Variants in TEAD1 observed in about 807,000 individuals in gnomAD.
TEAD1 encodes TEA domain transcription factor 1, also known as transcriptional enhancer factor TEF-1.
A neutral mutation model predicts 54.9 loss-of-function variants in TEAD1; 9 were observed. The ratio of observed to expected loss-of-function variants is 0.16; its 90% CI spans 0.10 to 0.29. The LOEUF (loss-of-function observed/expected upper bound fraction) is 0.29, where lower values mean the gene tolerates loss of function less well. TEAD1 is among the 10% of genes least tolerant of loss of function. The pLI, the probability that TEAD1 is intolerant of heterozygous loss-of-function variation, is 1.00. For synonymous variants in TEAD1, 200 were observed against 187.8 expected (o/e 1.07, Z -0.53); for missense variants, 387 against 535.9 (o/e 0.72, Z 2.74).
At chr11:12,857,860 G>A (rs771191454) in intron 3 of TEAD1, among the ~76,000 whole-genome samples, 5 of 152,062 alleles carry the variant, frequency 3.3e-5, no homozygotes, top group Admixed American at 6.5e-5. Context: ...CGAGGTGGGC[G>A]GATTGCTTGA....
chr11:12,888,158 T>G (rs1185825699), intron 9 of TEAD1, among the ~76,000 whole-genome samples: 1 of 152,202 alleles, frequency 6.6e-6, no homozygotes, highest in East Asian at 1.9e-4. Flanking sequence ...AGATGCTGCC[T>G]TACAGTAGCC....
At position 12,904,478 on chromosome 11, in the gene TEAD1, A is replaced by G. The variant is rs552532773; in HGVS notation, c.873+2365A>G. On this transcript the variant is annotated intron_variant, in intron 10 of 12. Transcript: ENST00000527636. ...TGGATTTTAATGTAACAGAGTTGGA[A>G]AAATTCATTGATATGGTTTCAGACT... Among the ~76,000 whole-genome samples, 5 of 152,326 alleles carry G rather than the reference A, an allele frequency of 3.3e-5. No homozygotes were observed. In the South Asian group the frequency reaches 1.0e-3, roughly 32 times the overall value.
chr11:12,746,779 C>T (rs1009833005), intron 2 of TEAD1, among the ~76,000 whole-genome samples: 3 of 152,318 alleles, frequency 2.0e-5, no homozygotes, highest in Non-Finnish European at 2.9e-5. Context: ...CCCCCTGGCT[C>T]TTGTGGGAGG....
chr11:12,881,877 G>T lies in TEAD1; in HGVS notation c.513-19G>T, dbSNP rs543563187. ...CAGATGCGATCTCTTAACTCTGTCT[G>T]CCATCTCTCTGTTCCCAGCGTCAAG... On this transcript the variant is annotated intron_variant, in intron 7 of 12. Transcript: ENST00000527636. The T allele has an allele frequency of 4.3e-6, 7 of 1,613,864 alleles. No homozygotes were observed. In the East Asian group the frequency reaches 1.1e-4, roughly 26 times the overall value.
At chr11:12,878,874 T>C in intron 5 of TEAD1, 3 of 1,281,532 alleles carry the variant, frequency 2.3e-6, no homozygotes, top group Non-Finnish European at 3.0e-6. Context: ...ACAAATTGTT[T>C]ATTATTGTAT....
At chr11:12,800,197 G>T (rs1946023232) in intron 3 of TEAD1, among the ~76,000 whole-genome samples, 1 of 152,186 alleles carries the variant, frequency 6.6e-6, no homozygotes, top group South Asian at 2.1e-4. Flanking sequence ...GATGATGACT[G>T]CTTGCACCTC....
intron 2 of TEAD1, among the ~76,000 whole-genome samples, chr11:12,732,392 G>A (rs929660376): frequency 3.9e-5 from 6 of 152,204 alleles, no homozygotes; most frequent in South Asian, 4.2e-4. Context: ...GTGACATAGC[G>A]GATACCCAGG....
At chr11:12,879,976 G>C in intron 6 of TEAD1, 134 bp downstream of exon 6, 1 of 1,333,254 alleles carries the variant, frequency 7.5e-7, no homozygotes, top group East Asian at 2.3e-5. Context: ...CTTGTCAACT[G>C]ATAACTGAGT....
chr11:12,733,062 A>G (rs921233491), intron 2 of TEAD1, among the ~76,000 whole-genome samples: 3 of 152,194 alleles, frequency 2.0e-5, no homozygotes, highest in Non-Finnish European at 2.9e-5. Flanking sequence ...TAGCACCTCC[A>G]TTGACCCACA....
At chr11:12,845,670 TG>T (rs1180049707) in intron 3 of TEAD1, among the ~76,000 whole-genome samples, 1 of 152,232 alleles carries the variant, frequency 6.6e-6, no homozygotes, top group Non-Finnish European at 1.5e-5. Context: ...GTACTGTTGT[TG>T]TAAAACAGTT....
At position 12,674,819 on chromosome 11, in the gene TEAD1, G is replaced by A. The variant is rs1943039238; in HGVS notation, c.-223G>A. The stretch of plus-strand genomic sequence containing the variant: ...CCTCGGACTCGCCGGGCGCTGCGGT[G>A]GCTCCCTGGGCCGAGGTAAGTTGGC... On this transcript the variant is annotated 5_prime_UTR_variant, in exon 1 of 13. Coordinates refer to ENST00000527636, the MANE Select transcript of TEAD1 (RefSeq NM_021961.6). 1.3e-5 allele frequency: 2 copies of A among 151,208 alleles called. No individual in the cohort carries two copies. The highest frequency in any genetic ancestry group is 4.1e-4 in the South Asian group (2 of 4,844). The allele number at this position is 151,208 out of a possible 1,614,324, so 9.4% of individuals were successfully genotyped here.
At chr11:12,923,856 C>T (rs1948858673) in intron 10 of TEAD1, among the ~76,000 whole-genome samples, 1 of 152,186 alleles carries the variant, frequency 6.6e-6, no homozygotes, top group Non-Finnish European at 1.5e-5. Context: ...AACACTGTTG[C>T]ACTGGGGTTT....
At chr11:12,844,814 G>A (rs1489653762) in intron 3 of TEAD1, among the ~76,000 whole-genome samples, 1 of 152,096 alleles carries the variant, frequency 6.6e-6, no homozygotes, top group Non-Finnish European at 1.5e-5. Flanking sequence ...TGGGATTATT[G>A]TGATTAAGAG....
At chr11:12,689,212 C>T (rs1415075596) in intron 2 of TEAD1, among the ~76,000 whole-genome samples, 2 of 152,170 alleles carry the variant, frequency 1.3e-5, no homozygotes, top group African/African-American at 4.8e-5. Context: ...CCCTGCAGTT[C>T]ACTACATTTC....
chr11:12,930,902 G>T (rs1949001453), intron 12 of TEAD1, among the ~76,000 whole-genome samples: 2 of 152,214 alleles, frequency 1.3e-5, no homozygotes, highest in Non-Finnish European at 2.9e-5. Context: ...AGTACCAGAA[G>T]AAATATAAAT....
chr11:12,681,791 C>T (rs1031191902), intron 2 of TEAD1, among the ~76,000 whole-genome samples: 1 of 152,270 alleles, frequency 6.6e-6, no homozygotes, highest in Admixed American at 6.5e-5. Flanking sequence ...TGTTCTCACT[C>T]ACCTTTCCAG....
At chr11:12,691,762 A>G (rs1943462488) in intron 2 of TEAD1, among the ~76,000 whole-genome samples, 1 of 152,168 alleles carries the variant, frequency 6.6e-6, no homozygotes, top group Non-Finnish European at 1.5e-5. Flanking sequence ...TTCCTTGTAT[A>G]CATAACCAGG....
intron 3 of TEAD1, among the ~76,000 whole-genome samples, chr11:12,855,188 A>T (rs780708245): frequency 2.6e-5 from 4 of 151,922 alleles, no homozygotes; most frequent in Non-Finnish European, 5.9e-5. Flanking sequence ...CATTCTGTAG[A>T]CCTCTCCCAA....
At chr11:12,697,879 C>A (rs985974101) in intron 2 of TEAD1, among the ~76,000 whole-genome samples, 1 of 152,014 alleles carries the variant, frequency 6.6e-6, no homozygotes, top group African/African-American at 2.4e-5. Flanking sequence ...AAAAATTAGC[C>A]AGGCATGGTG....
Sources: allele counts gnomAD v4.1 joint callset (sites outside exome capture counted in the v4.1 genomes callset), GRCh38; gene constraint gnomAD v4.1.1; transcripts MANE v1.5; gene names NCBI Gene and HGNC (gene_info 2026-07-23, HGNC 2026-07-21).